CHD1L: variants seen among roughly 807,000 people sequenced by gnomAD.
CHD1L encodes chromodomain helicase DNA binding protein 1 like.
CHD1L carries 118 observed loss-of-function variants against 115.9 expected under a neutral mutation model. The ratio of observed to expected loss-of-function variants is 1.02; its 90% CI spans 0.88 to 1.19. The LOEUF is 1.19. CHD1L is among the 50% of genes most tolerant of loss of function. CHD1L has a pLI of 0.00. For synonymous variants in CHD1L, 411 were observed against 387.1 expected (o/e 1.06, Z -0.72); for missense variants, 1,179 against 1,065.3 (o/e 1.11, Z -1.49).
intron 10 of CHD1L, among the ~76,000 whole-genome samples, chr1:147,269,543 C>T (rs1283039038): frequency 6.6e-6 from 1 of 151,854 alleles, no homozygotes; most frequent in Non-Finnish European, 1.5e-5. Context: ...GTGGCAGGCG[C>T]CTGTAGTCCC....
At chr1:147,201,079 T>G in the CHD1L span, 1 of 1,080,066 alleles carries the variant, frequency 9.3e-7, no homozygotes, top group Non-Finnish European at 1.4e-6. Context: ...CTCTAGCTAT[T>G]TAAAAACAAG....
the CHD1L span, among the ~76,000 whole-genome samples, chr1:147,199,716 G>A: frequency 2.6e-4 from 39 of 152,222 alleles, no homozygotes; most frequent in African/African-American, 7.9e-4. Context: ...GGCTATTTGC[G>A]TTTGACTACT....
intron 15 of CHD1L, 145 bp from the exon 16 acceptor site, chr1:147,284,206 G>T: frequency 1.7e-6 from 1 of 584,006 alleles, no homozygotes; most frequent in Admixed American, 3.7e-5. Context: ...CAGTGGGATG[G>T]GAAATGAAAT....
chr1:147,208,395 A>G, the CHD1L span: 1 of 152,232 alleles, frequency 6.6e-6, no homozygotes, highest in African/African-American at 2.4e-5. Flanking sequence ...CAAGTTAGAA[A>G]TCTGATTTCA....
In CHD1L at chr1:147,255,820, C is replaced by A; in HGVS notation, c.355C>A (p.Pro119Thr). The change falls in exon 4 of 23, where the codon CCA becomes ACA. Residue 119 changes from proline to threonine, a missense_variant. By Grantham distance (38) the Pro-to-Thr change is conservative. Coordinates refer to ENST00000369258, the MANE Select transcript of CHD1L (RefSeq NM_004284.6). The part of the protein sequence containing the change: ...NWKEEMQRFA[P>T]GLSCVTYAGD... ...TTCTTTTCTTGGATTCAGATTTGCT[C>A]CAGGTCTTTCCTGTGTAACATATGC... 1 of 1,607,380 alleles carries A rather than the reference C, an allele frequency of 6.2e-7. No homozygotes were observed. Among genetic ancestry groups the A allele is most frequent in the South Asian group, 1.1e-5 (1 of 90,614 alleles).
chr1:147,295,737 CATA>C lies in CHD1L; in HGVS notation c.*236_*238del. ...CCCTTTGACCCCAGCTTGCTAGTTG[CATA>C]ATAATAAATTTTCTGTTCCTAATGG... On this transcript the variant is annotated 3_prime_UTR_variant, in exon 23 of 23. Coordinates refer to ENST00000369258, the MANE Select transcript of CHD1L (RefSeq NM_004284.6). The C allele has an allele frequency of 1.9e-6, 1 of 515,088 alleles. No homozygotes were observed. The highest frequency in any genetic ancestry group is 3.4e-6 in the Non-Finnish European group (1 of 296,646). The allele number at this position is 515,088 out of a possible 1,614,324, so 31.9% of individuals were successfully genotyped here.
the CHD1L span, among the ~76,000 whole-genome samples, chr1:147,208,022 A>G: frequency 1.3e-5 from 2 of 152,310 alleles, no homozygotes; most frequent in East Asian, 3.9e-4. Context: ...GTAGGTTTGC[A>G]TAGACCTCCT....
At chr1:147,198,850 CAAAAAA>C in the CHD1L span, among the ~76,000 whole-genome samples, 4 of 51,778 alleles carry the variant, frequency 7.7e-5, no homozygotes, top group South Asian at 9.9e-4. Context: ...GACTGCATCT[CAAAAAA>C]AAAAAAAAAA....
At chr1:147,269,505 C>T (rs967234772) in intron 10 of CHD1L, among the ~76,000 whole-genome samples, 18 of 151,784 alleles carry the variant, frequency 1.2e-4, no homozygotes, top group Non-Finnish European at 1.9e-4. Context: ...CCTGTCTCTA[C>T]TAAAAATGCA....
chr1:147,201,495 A>C, the CHD1L span: 5 of 1,612,034 alleles, frequency 3.1e-6, no homozygotes, highest in South Asian at 5.5e-5. Flanking sequence ...TTGGATGCTG[A>C]CTCAGAGCTC....
chr1:147,287,264 G>A (rs1312789893), intron 18 of CHD1L, among the ~76,000 whole-genome samples: 1 of 152,102 alleles, frequency 6.6e-6, no homozygotes, highest in Non-Finnish European at 1.5e-5. Flanking sequence ...CCTTTCCTGT[G>A]TACTGTTTCA....
In CHD1L at chr1:147,259,687, C is replaced by T. The variant is rs79274586; in HGVS notation, c.495-150C>T. ...AGATATTGTATTATGCACATGTAGC[C>T]TCTCAGGAAGGTAATTTGGTGGCAT... is the stretch of plus-strand genomic sequence containing the variant. On this transcript the variant is annotated intron_variant, in intron 5 of 22. Coordinates refer to ENST00000369258, the MANE Select transcript of CHD1L (RefSeq NM_004284.6). 3,155 of 654,382 alleles carry T rather than the reference C, an allele frequency of 4.8e-3. 13 individuals carry two copies. Among genetic ancestry groups the T allele is most frequent in the Non-Finnish European group, 6.1e-3 (2,263 of 369,660 alleles). 40.5% of individuals were successfully genotyped at this position (654,382 alleles called of 1,614,324 possible). A position where few individuals can be genotyped will look rare whatever the true frequency, so the allele number is the denominator to read the frequency against.
the CHD1L span, chr1:147,175,980 A>C: frequency 6.7e-6 from 1 of 150,292 alleles, no homozygotes; most frequent in African/African-American, 2.4e-5. Context: ...GATTGACTAC[A>C]AAAGGGCATG....
At chr1:147,263,447 A>G (rs1005451245) in intron 6 of CHD1L, among the ~76,000 whole-genome samples, 27 of 148,350 alleles carry the variant, frequency 1.8e-4, no homozygotes, top group African/African-American at 6.5e-4. Context: ...AAAAAAAAAG[A>G]TATACATACA....
the CHD1L span, chr1:147,184,592 T>C: frequency 2.6e-6 from 4 of 1,548,994 alleles, no homozygotes; most frequent in Non-Finnish European, 3.5e-6. The surrounding 1 kb of genome is among the most constrained non-coding windows in gnomAD (Gnocchi z 4.4). Flanking sequence ...TAGAATATTC[T>C]TCAACTTGGG....
intron 9 of CHD1L, 93 bp from the exon 10 acceptor site, chr1:147,268,689 T>A: frequency 1.1e-6 from 1 of 919,600 alleles, no homozygotes; most frequent in Non-Finnish European, 1.7e-6. Flanking sequence ...ACTACTTATA[T>A]GATGAGCTTT....
the CHD1L span, among the ~76,000 whole-genome samples, chr1:147,199,056 A>G: frequency 6.6e-6 from 1 of 152,150 alleles, no homozygotes; most frequent in Admixed American, 6.5e-5. Flanking sequence ...AGACGCAATC[A>G]AAACAGAAAC....
chr1:147,187,220 T>G, the CHD1L span: 5 of 1,611,952 alleles, frequency 3.1e-6, no homozygotes, highest in Admixed American at 8.4e-5. Flanking sequence ...TCTCCCTGAA[T>G]GGTATGGCGT....
At chr1:147,172,824 G>C in the CHD1L span, 1 of 152,344 alleles carries the variant, frequency 6.6e-6, no homozygotes, top group Non-Finnish European at 1.5e-5. Context: ...CGCCTCCCTG[G>C]GCTCCGGTGC....
Sources: gnomAD v4.1 joint callset for allele counts (sites outside exome capture counted in the v4.1 genomes callset) on GRCh38, gnomAD v4.1.1 for gene constraint, Gnocchi (gnomAD v3.1) non-coding constraint, MANE v1.5 for transcripts, NCBI Gene and HGNC (gene_info 2026-07-23, HGNC 2026-07-21) for gene names.